Variants in CLSTN1 observed in about 807,000 individuals in gnomAD.
CLSTN1 encodes the protein calsyntenin 1, also known as calsyntenin-1.
CLSTN1 carries 28 observed loss-of-function variants against 108.3 expected under a neutral mutation model. The ratio of observed to expected loss-of-function variants is 0.26; its 90% CI spans 0.19 to 0.35. The LOEUF (loss-of-function observed/expected upper bound fraction) is 0.35. Ranked by LOEUF, CLSTN1 falls within the 10% of genes least tolerant of loss-of-function variation. The pLI is 1.00. For missense variants in CLSTN1, 1,157 were observed against 1,302.6 expected, an observed-to-expected ratio of 0.89 and a Z score of 1.72; for synonymous variants, 524 against 534.9, an observed-to-expected ratio of 0.98 and a Z score of 0.28.
intron 1 of CLSTN1, among the ~76,000 whole-genome samples, chr1:9,810,848 T>C (rs1654727709): frequency 6.6e-6 from 1 of 152,142 alleles, no homozygotes. Context: ...CACATCTACC[T>C]AGAATGCCTC....
chr1:9,751,623 T>C lies in CLSTN1; in HGVS notation c.499A>G (p.Lys167Glu), dbSNP rs1651563601. 3 of 1,614,028 alleles carry C rather than the reference T, an allele frequency of 1.9e-6. No homozygotes were observed. The highest frequency in any genetic ancestry group is 1.3e-5 in the African/African-American group (1 of 74,914). Reference sequence around the variant, plus strand: ...TCGATGACCGTGGCTTTGTAGGACTTCTCCTTGAACACGGGCGCGTACTCA... The same window carrying C: ...TCGATGACCGTGGCTTTGTAGGACTCCTCCTTGAACACGGGCGCGTACTCA... Reference protein sequence around the residue: ...VNEYAPVFKEKSYKATVIEGK... With the variant: ...VNEYAPVFKEESYKATVIEGK... The change falls in exon 5 of 19, where the codon AAG (lysine) becomes GAG (glutamate). Residue 167 changes from lysine to glutamate, a missense_variant. Transcript: ENST00000377298.
At chr1:9,807,652 C>T (rs1220434103) in intron 1 of CLSTN1, among the ~76,000 whole-genome samples, 8 of 152,248 alleles carry the variant, frequency 5.3e-5, no homozygotes, top group Non-Finnish European at 1.5e-5. Context: ...GCGTGGCCAC[C>T]GTGAAGAGGC....
At chr1:9,814,918 A>G (rs866315773) in intron 1 of CLSTN1, among the ~76,000 whole-genome samples, 1 of 151,812 alleles carries the variant, frequency 6.6e-6, no homozygotes, top group African/African-American at 2.4e-5. Flanking sequence ...AAAAAGAAAA[A>G]TGTCACTTTT....
intron 1 of CLSTN1, among the ~76,000 whole-genome samples, chr1:9,781,460 T>G (rs76549163): frequency 1.3e-5 from 2 of 151,906 alleles, no homozygotes; most frequent in Admixed American, 1.3e-4. Context: ...TTTTTTTTTT[T>G]GAGGCGGAGT....
rs115592667 is a variant in CLSTN1 at position 9,790,521 on chromosome 1, T to C, written c.92-17127A>G. Among the ~76,000 whole-genome samples, 835 of 151,572 alleles carry C rather than the reference T, an allele frequency of 5.5e-3. 13 individuals are homozygous for C. Among genetic ancestry groups the C allele is most frequent in the African/African-American group, 0.019 (806 of 41,522 alleles). Reference sequence around the variant, plus strand: ...TCATTCTTCTTGCACATTGTTTGATTTGATTTTTGTTGAGGACTTTTTAAA... The same window carrying C: ...TCATTCTTCTTGCACATTGTTTGATCTGATTTTTGTTGAGGACTTTTTAAA... On this transcript the variant is annotated intron_variant, in intron 1 of 18. Transcript: ENST00000377298.
chr1:9,738,929 G>A (rs975812093), intron 10 of CLSTN1, among the ~76,000 whole-genome samples: 3 of 152,150 alleles, frequency 2.0e-5, no homozygotes, highest in Non-Finnish European at 4.4e-5. Context: ...TGGGATTACA[G>A]GTGTGAGCCA....
At position 9,730,857 on chromosome 1, in the gene CLSTN1, A is replaced by G. The variant is rs1332005775; in HGVS notation, c.2749-152T>C. 4 of 763,926 alleles carry G rather than the reference A, an allele frequency of 5.2e-6. No individual in the cohort carries two copies. Among genetic ancestry groups the G allele is most frequent in the Non-Finnish European group, 8.4e-6 (4 of 474,188 alleles). 47.3% of individuals were successfully genotyped at this position (763,926 alleles called of 1,614,324 possible). Reference sequence around the variant, plus strand: ...CAGCCAGGACGGCACCGGAAGTTATATTAGAAGTGAAGGGAAAACAAAGCT... The same window carrying G: ...CAGCCAGGACGGCACCGGAAGTTATGTTAGAAGTGAAGGGAAAACAAAGCT... On this transcript the variant is annotated intron_variant, in intron 18 of 18. Coordinates refer to ENST00000377298, the MANE Select transcript of CLSTN1 (RefSeq NM_001009566.3). This position sits in a 1 kb window ranked among gnomAD's most constrained non-coding sequence, Gnocchi z 5.6.
Position 9,751,671 on chromosome 1 carries a change from G to C in CLSTN1, c.451C>G (p.His151Asp). The C allele has an allele frequency of 6.2e-7, 1 of 1,614,074 alleles. No individual in the cohort carries two copies. The highest frequency in any genetic ancestry group is 8.5e-7 in the Non-Finnish European group (1 of 1,179,978). ...NVKKSHKATVHIQVNDVNEYA... is the reference protein window; with the variant it reads ...NVKKSHKATVDIQVNDVNEYA... ...TCATTCACGTCGTTCACCTGAATATGAACAGTTGCTCTGGACAAAGGGAGG... is the reference window on the plus strand; with the variant it reads ...TCATTCACGTCGTTCACCTGAATATCAACAGTTGCTCTGGACAAAGGGAGG... Residue 151 changes from histidine (H) to aspartate (D), a missense_variant, in exon 5 of 19, where the codon CAT (histidine) becomes GAT (aspartate). Physicochemically the swap from His to Asp is moderately conservative, Grantham distance 81. Transcript: ENST00000377298.
intron 4 of CLSTN1, among the ~76,000 whole-genome samples, chr1:9,754,841 G>A (rs542375979): frequency 1.3e-5 from 2 of 152,220 alleles, no homozygotes; most frequent in Admixed American, 1.3e-4. Context: ...GGCAACAAGA[G>A]CAAAACTCCA....
intron 4 of CLSTN1, among the ~76,000 whole-genome samples, chr1:9,753,493 A>ATT (rs112701748): frequency 2.1e-5 from 3 of 143,208 alleles, no homozygotes; most frequent in Non-Finnish European, 4.6e-5. Flanking sequence ...GCAGTGACTA[A>ATT]TTTTTTTTTT....
intron 1 of CLSTN1, among the ~76,000 whole-genome samples, chr1:9,787,185 A>C (rs1490310879): frequency 1.3e-5 from 2 of 148,302 alleles, no homozygotes; most frequent in African/African-American, 5.1e-5. Flanking sequence ...ATCCAGAAGA[A>C]GGGGCTTCTG....
intron 1 of CLSTN1, among the ~76,000 whole-genome samples, chr1:9,773,675 CG>C (rs2101163156): frequency 6.6e-6 from 1 of 152,184 alleles, no homozygotes; most frequent in East Asian, 1.9e-4. Flanking sequence ...CTGATGGCTA[CG>C]GGAAGACTAT....
At chr1:9,800,375 G>A (rs1008533595) in intron 1 of CLSTN1, among the ~76,000 whole-genome samples, 1 of 151,664 alleles carries the variant, frequency 6.6e-6, no homozygotes, top group Non-Finnish European at 1.5e-5. Flanking sequence ...CAAATTCCTA[G>A]TATCAGAAAT....
intron 9 of CLSTN1, among the ~76,000 whole-genome samples, chr1:9,743,644 C>T (rs144328312): frequency 2.6e-5 from 4 of 152,120 alleles, no homozygotes; most frequent in Middle Eastern, 3.4e-3. Flanking sequence ...ACCTCCTGGG[C>T]TCCATCAATC....
At chr1:9,806,933 G>C (rs917737895) in intron 1 of CLSTN1, among the ~76,000 whole-genome samples, 1 of 152,008 alleles carries the variant, frequency 6.6e-6, no homozygotes, top group Admixed American at 6.6e-5. Flanking sequence ...ATGTCAAAGA[G>C]GCAGTCTTTT....
chr1:9,750,161 G>A (rs1398178846), intron 5 of CLSTN1: 2 of 391,640 alleles, frequency 5.1e-6, no homozygotes, highest in Non-Finnish European at 9.2e-6. Context: ...CTCTCACAGT[G>A]TTACATTGGG....
At chr1:9,746,920 A>G (rs1651294991) in intron 7 of CLSTN1, among the ~76,000 whole-genome samples, 1 of 151,920 alleles carries the variant, frequency 6.6e-6, no homozygotes, top group African/African-American at 2.4e-5. Context: ...TGGCTCATGC[A>G]TATAATCCCA....
At chr1:9,752,903 A>C (rs952065088) in intron 4 of CLSTN1, among the ~76,000 whole-genome samples, 3 of 152,276 alleles carry the variant, frequency 2.0e-5, no homozygotes, top group Non-Finnish European at 4.4e-5. Flanking sequence ...CAAAAGAAAA[A>C]GAAACAGACT....
chr1:9,742,764 C>T (rs551833461), intron 9 of CLSTN1, among the ~76,000 whole-genome samples: 50 of 152,182 alleles, frequency 3.3e-4, no homozygotes, highest in Admixed American at 3.0e-3. Context: ...AAAAATTAGC[C>T]GGGCGTGGTG....
Sources: gnomAD v4.1 joint callset for allele counts (sites outside exome capture counted in the v4.1 genomes callset) on GRCh38, gnomAD v4.1.1 for gene constraint, Gnocchi (gnomAD v3.1) non-coding constraint, MANE v1.5 for transcripts, NCBI Gene and HGNC (gene_info 2026-07-23, HGNC 2026-07-21) for gene names.